Variants in CSDE1 observed in about 807,000 individuals in gnomAD.
CSDE1 encodes cold shock domain containing E1.
A neutral mutation model predicts 89.3 loss-of-function variants in CSDE1; 17 were observed. The ratio of observed to expected loss-of-function variants is 0.19; its 90% CI spans 0.13 to 0.29. CSDE1 has a LOEUF of 0.29. CSDE1 is among the 10% of genes least tolerant of loss of function. The pLI, the probability that CSDE1 is intolerant of heterozygous loss-of-function variation, is 1.00. For missense variants in CSDE1, 672 were observed against 984.2 expected (o/e 0.68, Z 4.24); for synonymous variants, 322 against 332.8 (o/e 0.97, Z 0.35).
intron 9 of CSDE1, 50 bp from the exon 10 acceptor site, chr1:114,732,866 G>T: frequency 6.8e-7 from 1 of 1,466,282 alleles, no homozygotes; most frequent in Non-Finnish European, 9.5e-7. Context: ...ATCCTTCCTA[G>T]TTCTAAGTCA....
chr1:114,738,121 G>C (rs768863066), intron 3 of CSDE1, 49 bp from the exon 4 acceptor site: 8 of 1,362,060 alleles, frequency 5.9e-6, no homozygotes, highest in Non-Finnish European at 7.4e-6. Context: ...TTTGCGAAAC[G>C]ATATATTGCT....
At chr1:114,734,287 C>A (rs562060743) in intron 7 of CSDE1, among the ~76,000 whole-genome samples, 155 bp downstream of exon 7, 6 of 151,628 alleles carry the variant, frequency 4.0e-5, no homozygotes, top group Admixed American at 1.3e-4. Flanking sequence ...AATGTATTAG[C>A]AACCAAGGAA....
intron 2 of CSDE1, among the ~76,000 whole-genome samples, chr1:114,742,038 G>A (rs964002632): frequency 3.3e-5 from 5 of 151,852 alleles, no homozygotes; most frequent in African/African-American, 7.3e-5. Context: ...AAAATAACTG[G>A]GACTATTTTT....
At chr1:114,719,069 T>C in intron 18 of CSDE1, 1 of 257,306 alleles carries the variant, frequency 3.9e-6, no homozygotes, top group Non-Finnish European at 7.4e-6. Flanking sequence ...CCCAGCGCTT[T>C]GAGAGGACAG....
intron 14 of CSDE1, among the ~76,000 whole-genome samples, chr1:114,725,640 CT>C (rs1659749485): frequency 1.9e-5 from 1 of 52,566 alleles, no homozygotes; most frequent in Non-Finnish European, 3.5e-5. Flanking sequence ...CCCTTACTTT[CT>C]ATTTTTTTTT....
chr1:114,736,905 T>C (rs777163329), intron 5 of CSDE1, 50 bp from the exon 6 acceptor site: 8 of 1,355,000 alleles, frequency 5.9e-6, no homozygotes, highest in South Asian at 1.2e-5. Context: ...GCATATTCAC[T>C]GTATACTGTG....
At chr1:114,740,759 C>G (rs956253106) in intron 2 of CSDE1, among the ~76,000 whole-genome samples, 8 of 152,146 alleles carry the variant, frequency 5.3e-5, no homozygotes, top group Admixed American at 3.9e-4. Context: ...ATAAGTGAAG[C>G]ACAAAACAGG....
chr1:114,750,439 T>C (rs1661241219), intron 1 of CSDE1, among the ~76,000 whole-genome samples: 1 of 152,200 alleles, frequency 6.6e-6, no homozygotes, highest in African/African-American at 2.4e-5. Flanking sequence ...ATAGTCTTTA[T>C]TGACCTCTTC....
At chr1:114,738,094 T>TAA (rs774310322) in intron 3 of CSDE1, 22 bp from the exon 4 acceptor site, 24 of 1,581,254 alleles carry the variant, frequency 1.5e-5, no homozygotes, top group Non-Finnish European at 2.0e-5. Context: ...TAATGTGTTA[T>TAA]GTTTGTTGAA....
chr1:114,721,733 C>A (rs919186372), intron 16 of CSDE1, among the ~76,000 whole-genome samples: 1 of 152,034 alleles, frequency 6.6e-6, no homozygotes, highest in African/African-American at 2.4e-5. Flanking sequence ...GGACTACAGG[C>A]ACACACCATG....
chr1:114,723,784 C>A, intron 16 of CSDE1, 99 bp downstream of exon 16: 2 of 1,535,768 alleles, frequency 1.3e-6, no homozygotes, highest in Non-Finnish European at 1.8e-6. Flanking sequence ...CAGTTTTAAA[C>A]CTAAAAACAA....
At chr1:114,741,723 T>C (rs1558003810) in intron 2 of CSDE1, 27 of 1,356,522 alleles carry the variant, frequency 2.0e-5, no homozygotes, top group Non-Finnish European at 2.4e-5. Flanking sequence ...AACAATTTAA[T>C]GCACATTTCA....
At chr1:114,745,066 C>T (rs1660944086) in intron 2 of CSDE1, among the ~76,000 whole-genome samples, 1 of 151,596 alleles carries the variant, frequency 6.6e-6, no homozygotes, top group Non-Finnish European at 1.5e-5. Context: ...TTTCATATAC[C>T]AAACTAGCAA....
intron 16 of CSDE1, among the ~76,000 whole-genome samples, chr1:114,722,673 G>C (rs1196750783): frequency 6.6e-6 from 1 of 152,222 alleles, no homozygotes; most frequent in East Asian, 1.9e-4. Flanking sequence ...AGTGGACTGG[G>C]AAGTGGGGAT....
At chr1:114,728,584 T>C (rs1659929432) in intron 12 of CSDE1, among the ~76,000 whole-genome samples, 1 of 152,178 alleles carries the variant, frequency 6.6e-6, no homozygotes, top group Non-Finnish European at 1.5e-5. Context: ...GCTCTCTTCA[T>C]CAAGCCAGTT....
intron 13 of CSDE1, among the ~76,000 whole-genome samples, 197 bp from the exon 14 acceptor site, chr1:114,726,583 TCA>T (rs1659812071): frequency 6.6e-6 from 1 of 152,234 alleles, no homozygotes; most frequent in African/African-American, 2.4e-5. Flanking sequence ...CTTTTATCTT[TCA>T]GTCTGTATTC....
In CSDE1 at chr1:114,726,192, C is replaced by T; in HGVS notation, c.1640+19G>A. On this transcript the variant is annotated intron_variant, in intron 14 of 19. Transcript: ENST00000358528. ...TGGATGGTAAGTTAGCTGTAAAGTTCCTGAAAGTCACGCCTTACCTGTAAT... is the reference window on the plus strand; with the variant it reads ...TGGATGGTAAGTTAGCTGTAAAGTTTCTGAAAGTCACGCCTTACCTGTAAT... 6.3e-7 allele frequency: 1 copy of T among 1,577,732 alleles called. No homozygotes were observed. The highest frequency in any genetic ancestry group is 8.6e-7 in the Non-Finnish European group (1 of 1,163,574).
intron 13 of CSDE1, 137 bp downstream of exon 13, chr1:114,726,846 C>A (rs186593602): frequency 1.7e-6 from 1 of 585,424 alleles, no homozygotes; most frequent in African/African-American, 1.9e-5. Flanking sequence ...CTTTCAAATA[C>A]AAGATATTCA....
chr1:114,738,649 C>T (rs1044999582), intron 3 of CSDE1, among the ~76,000 whole-genome samples: 2 of 141,428 alleles, frequency 1.4e-5, no homozygotes, highest in African/African-American at 5.2e-5. Flanking sequence ...CCAAACACTT[C>T]ACATGTAAAA....
Sources: allele counts gnomAD v4.1 joint callset (sites outside exome capture counted in the v4.1 genomes callset), GRCh38; gene constraint gnomAD v4.1.1; transcripts MANE v1.5; gene names NCBI Gene and HGNC (gene_info 2026-07-23, HGNC 2026-07-21).